WASF2: variants seen among roughly 807,000 people sequenced by gnomAD.
The protein encoded by WASF2 is WASP family member 2.
A neutral mutation model predicts 45.0 loss-of-function variants in WASF2; 14 were observed. That is an observed-to-expected ratio of 0.31 (90% CI 0.21 to 0.49). WASF2 has a LOEUF of 0.49. Among genes scored for constraint, WASF2 ranks in the 20% least tolerant of loss-of-function variants. The pLI is 0.99. For missense variants in WASF2, 439 were observed against 636.1 expected, an observed-to-expected ratio of 0.69 and a Z score of 3.33; for synonymous variants, 200 against 236.3, an observed-to-expected ratio of 0.85 and a Z score of 1.41.
intron 1 of WASF2, among the ~76,000 whole-genome samples, chr1:27,452,054 A>G (rs1379047692): frequency 6.6e-6 from 1 of 152,222 alleles, no homozygotes; most frequent in African/African-American, 2.4e-5. Flanking sequence ...GAAACTGGAT[A>G]AGGCAGGAGA....
intron 1 of WASF2, among the ~76,000 whole-genome samples, chr1:27,482,552 T>C (rs2017865883): frequency 6.6e-6 from 1 of 152,224 alleles, no homozygotes; most frequent in African/African-American, 2.4e-5. Context: ...TAGGTAGTAA[T>C]AGTCCAGTAG....
chr1:27,446,212 C>G (rs1271481528), intron 1 of WASF2, among the ~76,000 whole-genome samples: 1 of 151,998 alleles, frequency 6.6e-6, no homozygotes, highest in African/African-American at 2.4e-5. Context: ...TAACCTTTGA[C>G]ATTAGAAAAA....
Position 27,441,819 on chromosome 1 carries a change from G to A in WASF2, c.-43-12886C>T, listed in dbSNP as rs959579388. ...CACATGCCTGTAGTCCCAGCTACTC[G>A]GGAGGCTGAGGCATGAGAATCACTT... On this transcript the variant is annotated intron_variant, in intron 1 of 8. Transcript: ENST00000618852. Among the ~76,000 whole-genome samples, 32 of 149,606 alleles carry A rather than the reference G, an allele frequency of 2.1e-4. 1 individual carries two copies. The Middle Eastern group carries it at 0.011, about 50-fold the overall frequency.
At chr1:27,440,858 T>A (rs2017215266) in intron 1 of WASF2, among the ~76,000 whole-genome samples, 1 of 152,052 alleles carries the variant, frequency 6.6e-6, no homozygotes, top group South Asian at 2.1e-4. Flanking sequence ...AGTGGTCCCA[T>A]AAGATCATAA....
At position 27,432,419 on chromosome 1, in the gene WASF2, C is replaced by T. The variant is rs529961520; in HGVS notation, c.-43-3486G>A. The stretch of plus-strand genomic sequence containing the variant: ...ATTCCAGCACTTTGGGAGGCCGAGG[C>T]GGGCGGATCACGAGGTCAGGAGATC... On this transcript the variant is annotated intron_variant, in intron 1 of 8. Coordinates refer to ENST00000618852, the MANE Select transcript of WASF2 (RefSeq NM_006990.5). Among the ~76,000 whole-genome samples the T allele has an allele frequency of 1.7e-3, 253 of 151,894 alleles. 1 individual carries two copies. Among genetic ancestry groups the T allele is most frequent in the Middle Eastern group, 6.8e-3 (2 of 294 alleles).
chr1:27,418,487 C>A, intron 3 of WASF2, 65 bp from the exon 4 acceptor site: 4 of 1,604,254 alleles, frequency 2.5e-6, no homozygotes, highest in Non-Finnish European at 3.4e-6. Flanking sequence ...CTGAGTCACA[C>A]CAGTCGGAGA....
intron 1 of WASF2, among the ~76,000 whole-genome samples, chr1:27,463,910 T>G (rs1314862011): frequency 6.6e-6 from 1 of 151,302 alleles, no homozygotes; most frequent in African/African-American, 2.4e-5. Context: ...TAGCTGGGAT[T>G]AAAGGCATGT....
chr1:27,442,542 C>T (rs994632879), intron 1 of WASF2, among the ~76,000 whole-genome samples: 1 of 151,336 alleles, frequency 6.6e-6, no homozygotes, highest in African/African-American at 2.4e-5. Flanking sequence ...GACTCCATCT[C>T]AAAAAAATTA....
intron 2 of WASF2, among the ~76,000 whole-genome samples, chr1:27,422,618 C>T (rs1477099041): frequency 7.8e-6 from 1 of 128,854 alleles, no homozygotes; most frequent in African/African-American, 3.0e-5. Context: ...GACTCCGTCT[C>T]AAAAAAAAAA....
intron 2 of WASF2, among the ~76,000 whole-genome samples, chr1:27,420,790 TG>T (rs1237039554): frequency 1.3e-5 from 2 of 152,058 alleles, no homozygotes; most frequent in African/African-American, 4.8e-5. Context: ...CCCAAAGTAC[TG>T]GGATTACATG....
At position 27,468,642 on chromosome 1, in the gene WASF2, C is replaced by T. The variant is rs1336912721; in HGVS notation, c.-44+21344G>A. Among the ~76,000 whole-genome samples, 10 of 141,020 alleles carry T rather than the reference C, an allele frequency of 7.1e-5. No homozygotes were observed. The South Asian group carries it at 1.8e-3, about 26-fold the overall frequency. The allele number at this position is 141,020 out of a possible 152,430, so 92.5% of individuals were successfully genotyped here. On this transcript the variant is annotated intron_variant, in intron 1 of 8. Coordinates refer to ENST00000618852, the MANE Select transcript of WASF2 (RefSeq NM_006990.5). Reference sequence around the variant, plus strand: ...GGCGACAAGAGCGAAACTCCGTCTCCGGGGAAAAAAAAAAAAGAACTGAGA... The same window carrying T: ...GGCGACAAGAGCGAAACTCCGTCTCTGGGGAAAAAAAAAAAAGAACTGAGA...
chr1:27,405,191 G>A lies in WASF2; in HGVS notation c.*2998C>T, dbSNP rs17163993. ...CTCTGCGTTGACATTGGCCAGGGTC[G>A]TTTCTGAGGGCGCTCGGGCTTCCAC... On this transcript the variant is annotated 3_prime_UTR_variant, in exon 9 of 9. Transcript: ENST00000618852. 0.011 allele frequency: 1,640 copies of A among 152,352 alleles called. 27 individuals are homozygous for A. The highest frequency in any genetic ancestry group is 0.038 in the African/African-American group (1,561 of 41,566). The allele number at this position is 152,352 out of a possible 1,614,324, so 9.4% of individuals were successfully genotyped here.
intron 1 of WASF2, among the ~76,000 whole-genome samples, chr1:27,458,406 ATTATT>A (rs1343522023): frequency 6.7e-6 from 1 of 149,672 alleles, no homozygotes; most frequent in Admixed American, 6.7e-5. Context: ...TATTTATTTT[ATTATT>A]TTAATAGTTC....
chr1:27,409,714 GTCGCTACGGGCA>G lies in WASF2; in HGVS notation c.1305_1316del (p.Ala436_Asp439del), dbSNP rs773432993. On this transcript the variant is annotated inframe_deletion, in exon 8 of 9. Coordinates refer to ENST00000618852, the MANE Select transcript of WASF2 (RefSeq NM_006990.5). ...TACCTTGACGGATGGCTGAAAGCAG[GTCGCTACGGGCA>G]TCGCTCACGGCAGGCAAGGAGGACT... The G allele has an allele frequency of 6.7e-7, 1 of 1,502,538 alleles. No homozygotes were observed. Among genetic ancestry groups the G allele is most frequent in the Admixed American group, 2.3e-5 (1 of 43,284 alleles). 93.1% of individuals were successfully genotyped at this position (1,502,538 alleles called of 1,614,324 possible).
chr1:27,435,357 G>A (rs761923617), intron 1 of WASF2, among the ~76,000 whole-genome samples: 20 of 152,080 alleles, frequency 1.3e-4, no homozygotes, highest in African/African-American at 4.8e-4. Context: ...AGCTGAGACC[G>A]GAAGATTGCT....
At chr1:27,439,812 A>G (rs571962218) in intron 1 of WASF2, among the ~76,000 whole-genome samples, 1 of 152,042 alleles carries the variant, frequency 6.6e-6, no homozygotes, top group East Asian at 1.9e-4. Flanking sequence ...TAGCCTGGGC[A>G]ACATGGTGAG....
intron 1 of WASF2, among the ~76,000 whole-genome samples, chr1:27,466,837 C>A (rs2017616958): frequency 6.6e-6 from 1 of 151,790 alleles, no homozygotes; most frequent in African/African-American, 2.4e-5. Flanking sequence ...GCCTGAAAAA[C>A]AGAGTGAGAG....
intron 2 of WASF2, among the ~76,000 whole-genome samples, chr1:27,427,858 C>T (rs1020329735): frequency 6.6e-6 from 1 of 152,002 alleles, no homozygotes; most frequent in African/African-American, 2.4e-5. Context: ...GGCATTTTGA[C>T]GGAGGTTCTT....
At chr1:27,419,693 A>AACAC (rs1487025793) in intron 2 of WASF2, among the ~76,000 whole-genome samples, 2 of 152,198 alleles carry the variant, frequency 1.3e-5, no homozygotes, top group Non-Finnish European at 2.9e-5. Flanking sequence ...GGTTCTGAAA[A>AACAC]ACAGATTGGG....
Sources: allele counts gnomAD v4.1 joint callset (sites outside exome capture counted in the v4.1 genomes callset), GRCh38; gene constraint gnomAD v4.1.1; transcripts MANE v1.5; gene names NCBI Gene and HGNC (gene_info 2026-07-23, HGNC 2026-07-21).